CEP170: variants seen among roughly 807,000 people sequenced by gnomAD.
CEP170 encodes centrosomal protein 170.
CEP170 carries 21 observed loss-of-function variants against 151.9 expected under a neutral mutation model. That is an observed-to-expected ratio of 0.14 (90% CI 0.10 to 0.20). CEP170 has a LOEUF of 0.20. Among genes scored for constraint, CEP170 ranks in the 10% least tolerant of loss-of-function variants. CEP170 has a pLI of 1.00. For missense variants in CEP170, 964 were observed against 1,892.9 expected, an observed-to-expected ratio of 0.51 and a Z score of 9.11; for synonymous variants, 356 against 648.8, an observed-to-expected ratio of 0.55 and a Z score of 6.86.
At chr1:243,243,649 G>A (rs1250045484) in intron 1 of CEP170, among the ~76,000 whole-genome samples, 6 of 151,756 alleles carry the variant, frequency 4.0e-5, no homozygotes, top group African/African-American at 1.2e-4. Flanking sequence ...TCAGCCTCCC[G>A]AGTAGCTGGG....
chr1:243,175,897 C>T (rs1004299070), intron 10 of CEP170, among the ~76,000 whole-genome samples: 1 of 152,090 alleles, frequency 6.6e-6, no homozygotes, highest in Non-Finnish European at 1.5e-5. Context: ...CCCGGGTTCA[C>T]GCCATTCTCC....
chr1:243,151,062 T>C (rs1346214605), intron 14 of CEP170, among the ~76,000 whole-genome samples: 2 of 152,212 alleles, frequency 1.3e-5, no homozygotes, highest in East Asian at 1.9e-4. Context: ...CACCATTCCG[T>C]GGTGATACCA....
intron 1 of CEP170, among the ~76,000 whole-genome samples, chr1:243,248,567 T>G (rs1403928484): frequency 6.6e-6 from 1 of 152,190 alleles, no homozygotes; most frequent in Non-Finnish European, 1.5e-5. Flanking sequence ...AACAGACACT[T>G]CAAACTTAAC....
chr1:243,220,937 T>C (rs1294990467), intron 3 of CEP170, among the ~76,000 whole-genome samples: 1 of 152,242 alleles, frequency 6.6e-6, no homozygotes, highest in Non-Finnish European at 1.5e-5. Flanking sequence ...TGTGCTATAT[T>C]TGTGAAGGCA....
chr1:243,188,524 C>A lies in CEP170; in HGVS notation c.1109-2102G>T, dbSNP rs182103833. 2.6e-5 allele frequency among the ~76,000 whole-genome samples: 4 copies of A among 152,284 alleles called. No homozygotes were observed. The East Asian group carries it at 7.7e-4, about 29-fold the overall frequency. On this transcript the variant is annotated intron_variant, in intron 8 of 19. Transcript: ENST00000366542. ...AAAAGTCACTAGGAAACAGTCCTCA[C>A]CAAGTTCTTTTCTTTCCTTTGCTCA... is the stretch of plus-strand genomic sequence containing the variant.
At chr1:243,189,774 T>A (rs182595528) in intron 8 of CEP170, among the ~76,000 whole-genome samples, 2,072 of 152,140 alleles carry the variant, frequency 0.014, 22 homozygotes, top group Non-Finnish European at 0.02. Flanking sequence ...TACTAGGAGA[T>A]CAATATTATT....
intron 1 of CEP170, among the ~76,000 whole-genome samples, chr1:243,228,741 A>C (rs1015519444): frequency 2.6e-5 from 4 of 152,238 alleles, no homozygotes; most frequent in Admixed American, 2.6e-4. Flanking sequence ...AATATAGCAA[A>C]GTCCCAGAGT....
intron 2 of CEP170, among the ~76,000 whole-genome samples, chr1:243,223,058 T>G (rs1279019439): frequency 6.6e-6 from 1 of 152,256 alleles, no homozygotes; most frequent in Non-Finnish European, 1.5e-5. Context: ...ATTCAGTTCT[T>G]AAGTTGGCAA....
chr1:243,148,751 CAAA>C (rs933093402), intron 14 of CEP170, among the ~76,000 whole-genome samples: 11 of 151,554 alleles, frequency 7.3e-5, no homozygotes, highest in African/African-American at 2.7e-4. Flanking sequence ...AGAAGGTTCA[CAAA>C]AAAAAGTTTC....
At chr1:243,189,740 A>C (rs2148751922) in intron 8 of CEP170, among the ~76,000 whole-genome samples, 1 of 151,912 alleles carries the variant, frequency 6.6e-6, no homozygotes, top group African/African-American at 2.4e-5. Flanking sequence ...CTAAATTCTC[A>C]AGGTTCAGCT....
rs926873107 is a variant in CEP170, at chr1:243,253,589, G to C, written c.-42+1451C>G. Among the ~76,000 whole-genome samples the C allele has an allele frequency of 3.3e-5, 5 of 152,300 alleles. No homozygotes were observed. In the Middle Eastern group the frequency reaches 0.014, roughly 414 times the overall value. ...ATAATAACAGAAAAATACATAAGTT[G>C]CTATTCATCAGTGTACTGTTTCCAG... On this transcript the variant is annotated intron_variant, in intron 1 of 19. Coordinates refer to ENST00000366542, the MANE Select transcript of CEP170 (RefSeq NM_014812.3).
rs189160238 is a variant in CEP170, at chr1:243,187,554, C to T, written c.1109-1132G>A. Among the ~76,000 whole-genome samples, 79 of 152,252 alleles carry T rather than the reference C, an allele frequency of 5.2e-4. No individual in the cohort carries two copies. The East Asian group carries it at 0.012, about 24-fold the overall frequency. On this transcript the variant is annotated intron_variant, in intron 8 of 19. Coordinates refer to ENST00000366542, the MANE Select transcript of CEP170 (RefSeq NM_014812.3). ...CATTCTAATGCTTCCAGGACTAAAT[C>T]TGATTTTTAAATTTACCTGGGCTAC...
At position 243,221,807 on chromosome 1, in the gene CEP170, T is replaced by A. The variant is rs759972836; in HGVS notation, c.112A>T (p.Ser38Cys). The A allele has an allele frequency of 1.2e-6, 2 of 1,609,032 alleles. No homozygotes were observed. Among genetic ancestry groups the A allele is most frequent in the South Asian group, 2.2e-5 (2 of 89,680 alleles). The stretch of plus-strand genomic sequence containing the variant: ...ATGACAGCGTGTTGCTTATCCACAC[T>A]ACGAGACTGAAAGGAATGTTGTCAG... ...DDCELMLQSR[S>C]VDKQHAVINY... The change falls in exon 3 of 20, where the codon AGT (serine) becomes TGT (cysteine). Residue 38 changes from serine to cysteine, a missense_variant. Ser to Cys is a moderately radical substitution (Grantham distance 112, BLOSUM62 -1). Coordinates refer to ENST00000366542, the MANE Select transcript of CEP170 (RefSeq NM_014812.3).
chr1:243,255,650 G>T (rs1425577575), upstream of CEP170, among the ~76,000 whole-genome samples: 1 of 152,254 alleles, frequency 6.6e-6, no homozygotes, highest in African/African-American at 2.4e-5. Context: ...TCTCGCAACT[G>T]AAGCAGGGTT....
intron 13 of CEP170, among the ~76,000 whole-genome samples, chr1:243,162,554 AAAG>A (rs1449583899): frequency 6.6e-6 from 1 of 152,234 alleles, no homozygotes; most frequent in African/African-American, 2.4e-5. Flanking sequence ...TTCTGTATTC[AAAG>A]AAGCAGAAAA....
chr1:243,249,808 G>T (rs2065770258), intron 1 of CEP170, among the ~76,000 whole-genome samples: 1 of 152,194 alleles, frequency 6.6e-6, no homozygotes, highest in Non-Finnish European at 1.5e-5. Flanking sequence ...ACAAGGCCAG[G>T]CGCCATGGCT....
chr1:243,187,529 C>T (rs2148730202), intron 8 of CEP170, among the ~76,000 whole-genome samples: 1 of 152,266 alleles, frequency 6.6e-6, no homozygotes. Context: ...CAACGAGGTA[C>T]ATTCTAATGC....
intron 17 of CEP170, among the ~76,000 whole-genome samples, chr1:243,132,775 G>A (rs2054572670): frequency 6.6e-6 from 1 of 152,176 alleles, no homozygotes; most frequent in South Asian, 2.1e-4. Context: ...TACACAGCAG[G>A]TAATCTGTGA....
intron 14 of CEP170, among the ~76,000 whole-genome samples, chr1:243,148,997 A>C (rs1328390403): frequency 2.6e-5 from 4 of 152,238 alleles, no homozygotes; most frequent in Non-Finnish European, 5.9e-5. Flanking sequence ...GGGCAGCAAG[A>C]GCAATTTAAT....
Sources: gnomAD v4.1 joint callset for allele counts (sites outside exome capture counted in the v4.1 genomes callset) on GRCh38, gnomAD v4.1.1 for gene constraint, MANE v1.5 for transcripts, NCBI Gene and HGNC (gene_info 2026-07-23, HGNC 2026-07-21) for gene names.